The following CHM variants were observed in gnomAD, a reference collection of about 807,000 sequenced individuals.
CHM encodes rab proteins geranylgeranyltransferase component A 1.
Under a neutral mutation model 49.0 loss-of-function variants are expected in CHM, and 10 were observed. The observed-to-expected ratio is 0.20, with a 90% CI of 0.13 to 0.35. CHM has a LOEUF of 0.35. CHM is among the 10% of genes least tolerant of loss of function. CHM has a pLI of 1.00. For missense variants in CHM, 455 were observed against 478.4 expected (o/e 0.95, Z 0.46); for synonymous variants, 184 against 167.5 (o/e 1.10, Z -0.76).
Position 85,911,341 on chromosome X carries a change from A to G in CHM, c.1167-3T>C. 9.8e-7 allele frequency: 1 copy of G among 1,016,492 alleles called. No individual in the cohort carries two copies. Among genetic ancestry groups the G allele is most frequent in the Non-Finnish European group, 1.3e-6 (1 of 761,502 alleles). The allele number at this position is 1,016,492 out of a possible 1,213,427, so 83.8% of individuals were successfully genotyped here. A position where few individuals can be genotyped will look rare whatever the true frequency, so the allele number is the denominator to read the frequency against. On this transcript the variant is annotated splice_polypyrimidine_tract_variant and splice_region_variant and intron_variant, in intron 8 of 14. Coordinates refer to ENST00000357749, the MANE Select transcript of CHM (RefSeq NM_000390.4). The stretch of plus-strand genomic sequence containing the variant: ...TTCCACCAAACACAGCACACATCCT[A>G]GAAAGAGAACAGAAAAATAAGAATT...
At chrX:85,980,732 G>A (rs1373730605) in intron 3 of CHM, among the ~76,000 whole-genome samples, 1 of 111,101 alleles carries the variant, frequency 9.0e-6, no homozygotes, top group Non-Finnish European at 1.9e-5. Flanking sequence ...ATAAGAGTAG[G>A]ACAGATTTTT....
chrX:85,862,786 G>A lies in CHM; in HGVS notation c.*1844C>T, dbSNP rs760509440. 1.8e-5 allele frequency: 2 copies of A among 111,256 alleles called. No homozygotes were observed. The highest frequency in any genetic ancestry group is 3.8e-5 in the Non-Finnish European group (2 of 53,105). 9.2% of individuals were successfully genotyped at this position (111,256 alleles called of 1,213,427 possible). A position where few individuals can be genotyped will look rare whatever the true frequency, so the allele number is the denominator to read the frequency against. On this transcript the variant is annotated 3_prime_UTR_variant, in exon 15 of 15. Transcript: ENST00000357749. ...TTCCTTGGTTCTTTCCATTTCCCAT[G>A]AATCTGTGACCTGCCACAGCTGGCT...
At chrX:85,961,602 T>A (rs1167049767) in intron 5 of CHM, among the ~76,000 whole-genome samples, 2 of 99,585 alleles carry the variant, frequency 2.0e-5, no homozygotes, top group Non-Finnish European at 4.2e-5. Flanking sequence ...GCACTGAATA[T>A]GTATTAAATG....
chrX:85,915,064 A>T (rs114398957), intron 8 of CHM, among the ~76,000 whole-genome samples: 3,278 of 111,040 alleles, frequency 0.03, 124 homozygotes, highest in African/African-American at 0.1. Context: ...TATAAAAAAA[A>T]ACCCGGCAAC....
chrX:85,986,497 C>G (rs1378692175), intron 2 of CHM, among the ~76,000 whole-genome samples: 2 of 111,563 alleles, frequency 1.8e-5, no homozygotes, highest in Non-Finnish European at 3.8e-5. Flanking sequence ...AATCTATCAA[C>G]TAACCAGTAC....
chrX:85,903,922 T>C (rs903545510), intron 9 of CHM, among the ~76,000 whole-genome samples: 2 of 111,365 alleles, frequency 1.8e-5, no homozygotes, highest in African/African-American at 6.5e-5. Context: ...ACTAAGACTC[T>C]AGGCTTAAGC....
At chrX:85,982,808 T>C (rs1931701858) in intron 2 of CHM, among the ~76,000 whole-genome samples, 1 of 111,107 alleles carries the variant, frequency 9.0e-6, no homozygotes, top group Non-Finnish European at 1.9e-5. Flanking sequence ...TTTTAAACAA[T>C]TAAACAAAAA....
At chrX:85,904,206 C>T (rs1183399794) in intron 9 of CHM, among the ~76,000 whole-genome samples, 3 of 111,145 alleles carry the variant, frequency 2.7e-5, no homozygotes, top group African/African-American at 3.3e-5. Context: ...GATTAAACCA[C>T]GTAAGATTTA....
At chrX:85,960,292 T>C (rs1930227309) in intron 5 of CHM, among the ~76,000 whole-genome samples, 1 of 111,523 alleles carries the variant, frequency 9.0e-6, no homozygotes, top group Non-Finnish European at 1.9e-5. Flanking sequence ...AACCTTAAGG[T>C]TTAATGCCAG....
At chrX:85,956,488 G>A in intron 7 of CHM, 110 bp from the exon 8 acceptor site, 1 of 1,025,432 alleles carries the variant, frequency 9.8e-7, no homozygotes, top group Non-Finnish European at 1.3e-6. Flanking sequence ...AAGGACATAG[G>A]TGGTATTACA....
intron 1 of CHM, among the ~76,000 whole-genome samples, chrX:86,046,586 C>G (rs746776521): frequency 2.2e-4 from 25 of 112,010 alleles, no homozygotes; most frequent in Non-Finnish European, 3.8e-4. Flanking sequence ...TGGCCTACCA[C>G]ATTCTACAAA....
At chrX:85,937,771 G>A (rs1928869588) in intron 8 of CHM, among the ~76,000 whole-genome samples, 1 of 107,424 alleles carries the variant, frequency 9.3e-6, no homozygotes, top group Non-Finnish European at 1.9e-5. Context: ...TTGAATCCCT[G>A]AGGCAGAGGT....
intron 2 of CHM, among the ~76,000 whole-genome samples, chrX:86,022,414 C>T: frequency 9.0e-6 from 1 of 111,335 alleles, no homozygotes; most frequent in East Asian, 2.8e-4. Flanking sequence ...TTCCTTCAGA[C>T]TTTCTCCTCT....
At chrX:85,917,080 T>C (rs768153349) in intron 8 of CHM, among the ~76,000 whole-genome samples, 261 of 112,495 alleles carry the variant, frequency 2.3e-3, no homozygotes, top group African/African-American at 8.1e-3. Flanking sequence ...AAAGAAAATG[T>C]GGTACATATA....
intron 11 of CHM, among the ~76,000 whole-genome samples, chrX:85,897,699 G>A (rs1396468178): frequency 9.0e-6 from 1 of 110,894 alleles, no homozygotes; most frequent in Non-Finnish European, 1.9e-5. Context: ...GCTGTCTGAG[G>A]CCAGTGGAAG....
At chrX:86,002,230 T>TTTAA (rs748640835) in intron 2 of CHM, among the ~76,000 whole-genome samples, 100 of 112,179 alleles carry the variant, frequency 8.9e-4, no homozygotes, top group Middle Eastern at 4.6e-3. Context: ...TTTTAGACTG[T>TTTAA]GCTAACAAAG....
chrX:85,921,224 G>A (rs750641927), intron 8 of CHM, among the ~76,000 whole-genome samples: 7 of 111,905 alleles, frequency 6.3e-5, no homozygotes, highest in South Asian at 3.7e-4. Flanking sequence ...CACATGACAC[G>A]TTTTCTTCCA....
intron 7 of CHM, 38 bp downstream of exon 7, chrX:85,957,817 T>C: frequency 8.4e-7 from 1 of 1,187,004 alleles, no homozygotes; most frequent in Non-Finnish European, 1.1e-6. Context: ...GTAAGAAATG[T>C]CAAATAATTG....
intron 2 of CHM, among the ~76,000 whole-genome samples, chrX:86,002,236 C>A (rs1414493403): frequency 8.9e-6 from 1 of 111,859 alleles, no homozygotes; most frequent in African/African-American, 3.2e-5. Flanking sequence ...ACTGTGCTAA[C>A]AAAGAAAACC....
Sources: gnomAD v4.1 joint callset for allele counts (sites outside exome capture counted in the v4.1 genomes callset) on GRCh38, gnomAD v4.1.1 for gene constraint, MANE v1.5 for transcripts, NCBI Gene and HGNC (gene_info 2026-07-23, HGNC 2026-07-21) for gene names.